SLC35F4: variants seen among roughly 807,000 people sequenced by gnomAD.
The protein encoded by SLC35F4 is solute carrier family 35 member F4.
In SLC35F4, 24 loss-of-function variants were observed where a neutral mutation model predicts 44.2. That is an observed-to-expected ratio of 0.54 (90% CI 0.39 to 0.76). The LOEUF (loss-of-function observed/expected upper bound fraction) is 0.76. Among genes scored for constraint, SLC35F4 ranks in the 30% least tolerant of loss-of-function variants. The pLI, the probability that SLC35F4 is intolerant of heterozygous loss-of-function variation, is 0.00. For synonymous variants in SLC35F4, 238 were observed against 223.6 expected, an observed-to-expected ratio of 1.06 and a Z score of -0.57; for missense variants, 562 against 586.1, an observed-to-expected ratio of 0.96 and a Z score of 0.42.
At chr14:57,863,123 T>G (rs984425726) in intron 1 of SLC35F4, among the ~76,000 whole-genome samples, 13 of 152,240 alleles carry the variant, frequency 8.5e-5, no homozygotes, top group African/African-American at 2.4e-5. Context: ...TGCCTTGGCC[T>G]CCCAAAGTGC....
At chr14:57,810,208 C>T (rs1215359632) in intron 1 of SLC35F4, among the ~76,000 whole-genome samples, 1 of 152,124 alleles carries the variant, frequency 6.6e-6, no homozygotes, top group Non-Finnish European at 1.5e-5. Context: ...ATTGTTAACA[C>T]CTGTACTAAA....
intron 1 of SLC35F4, among the ~76,000 whole-genome samples, chr14:57,979,123 A>G (rs1881299995): frequency 6.6e-6 from 1 of 152,230 alleles, no homozygotes; most frequent in African/African-American, 2.4e-5. Flanking sequence ...TCAATCCACC[A>G]GGCAAGCAAC....
In SLC35F4 at chr14:57,630,498, C is replaced by T. The variant is rs2140127048; in HGVS notation, c.104-36374G>A. ...AAGGCTGAATCACATTCTAGGTCTGCATCTCACACCAAAACTAGAGGCACC... is the reference window on the plus strand; with the variant it reads ...AAGGCTGAATCACATTCTAGGTCTGTATCTCACACCAAAACTAGAGGCACC... On this transcript the variant is annotated intron_variant, in intron 1 of 7. Transcript: ENST00000556826. 1.7e-5 allele frequency: 18 copies of T among 1,037,624 alleles called. No individual in the cohort carries two copies. In the South Asian group the frequency reaches 2.1e-4, roughly 12 times the overall value. The allele number at this position is 1,037,624 out of a possible 1,614,324, so 64.3% of individuals were successfully genotyped here.
intron 1 of SLC35F4, among the ~76,000 whole-genome samples, chr14:57,829,902 A>C (rs545139074): frequency 6.6e-6 from 1 of 152,230 alleles, no homozygotes; most frequent in Non-Finnish European, 1.5e-5. Flanking sequence ...GAAATCACTC[A>C]TGGTTTTTTA....
chr14:57,710,068 C>A (rs1466002889), intron 1 of SLC35F4, among the ~76,000 whole-genome samples: 2 of 152,166 alleles, frequency 1.3e-5, no homozygotes, highest in African/African-American at 4.8e-5. Context: ...TTAGAGCAGG[C>A]CCTCCCATCA....
chr14:57,982,867 C>A (rs141278625), upstream of SLC35F4, among the ~76,000 whole-genome samples: 196 of 152,240 alleles, frequency 1.3e-3, no homozygotes, highest in African/African-American at 4.5e-3. Flanking sequence ...TGGGCCTCAC[C>A]CGCATTGAGT....
intron 1 of SLC35F4, among the ~76,000 whole-genome samples, chr14:57,724,983 T>C (rs116626101): frequency 0.019 from 2,859 of 152,248 alleles, 92 homozygotes; most frequent in African/African-American, 0.065. Context: ...GAAGCATGAT[T>C]GGAAAATCAA....
chr14:57,726,641 T>C (rs906132358), intron 1 of SLC35F4, among the ~76,000 whole-genome samples: 3 of 152,324 alleles, frequency 2.0e-5, no homozygotes, highest in Admixed American at 6.5e-5. Context: ...TTATTTTAGG[T>C]GTGATTGTGA....
chr14:57,683,774 G>C (rs2074980921), intron 1 of SLC35F4, among the ~76,000 whole-genome samples: 1 of 152,130 alleles, frequency 6.6e-6, no homozygotes. Context: ...CCTGGTCATA[G>C]ACTAGACTAG....
At chr14:57,599,522 T>A (rs1049242919) in intron 1 of SLC35F4, among the ~76,000 whole-genome samples, 2 of 152,080 alleles carry the variant, frequency 1.3e-5, no homozygotes, top group Admixed American at 6.6e-5. Context: ...ACCACAGGCC[T>A]GAAGCGGCGA....
rs562017724 is a variant in SLC35F4, at chr14:57,612,764, C to T, written c.104-18640G>A. ...CTTATCATCTCCAACTACGCATGCT[C>T]AAGAAATATTTAAGTGACTAAATGA... On this transcript the variant is annotated intron_variant, in intron 1 of 7. Transcript: ENST00000556826. 6.6e-5 allele frequency among the ~76,000 whole-genome samples: 10 copies of T among 152,160 alleles called. No individual in the cohort carries two copies. In the South Asian group the frequency reaches 2.1e-3, roughly 32 times the overall value.
intron 1 of SLC35F4, among the ~76,000 whole-genome samples, chr14:57,802,459 C>T (rs540840469): frequency 2.0e-5 from 3 of 150,558 alleles, no homozygotes; most frequent in Admixed American, 6.6e-5. Flanking sequence ...CAAGAAATAA[C>T]CAAGATCAGA....
chr14:57,825,183 A>G (rs1336181773), intron 1 of SLC35F4, among the ~76,000 whole-genome samples: 1 of 152,160 alleles, frequency 6.6e-6, no homozygotes, highest in Non-Finnish European at 1.5e-5. Flanking sequence ...TGCCATTTAC[A>G]GACAAGGAGA....
chr14:57,946,656 A>C (rs775669507), intron 1 of SLC35F4, among the ~76,000 whole-genome samples: 1 of 150,712 alleles, frequency 6.6e-6, no homozygotes, highest in Non-Finnish European at 1.5e-5. Context: ...TTGTATTTTT[A>C]GTAGAGATAG....
chr14:57,962,915 A>C (rs1299183333), intron 1 of SLC35F4, among the ~76,000 whole-genome samples: 1 of 152,162 alleles, frequency 6.6e-6, no homozygotes, highest in Non-Finnish European at 1.5e-5. Flanking sequence ...TGTGTGCCGG[A>C]GGTTGGGGGA....
At chr14:57,816,245 T>G (rs981393665) in intron 1 of SLC35F4, among the ~76,000 whole-genome samples, 1 of 152,182 alleles carries the variant, frequency 6.6e-6, no homozygotes, top group African/African-American at 2.4e-5. Context: ...ATGTCTTTGT[T>G]TTTCTTCTCA....
chr14:57,771,876 A>G (rs927189781), intron 1 of SLC35F4, among the ~76,000 whole-genome samples: 3 of 152,122 alleles, frequency 2.0e-5, no homozygotes, highest in African/African-American at 4.8e-5. Context: ...TTGCAGGTAT[A>G]AGCCACTGTG....
chr14:57,924,767 C>T (rs1461612558), intron 1 of SLC35F4, among the ~76,000 whole-genome samples: 6 of 150,568 alleles, frequency 4.0e-5, no homozygotes, highest in African/African-American at 1.2e-4. Flanking sequence ...TTTCTTTCTT[C>T]CTTCCTTCCT....
At chr14:57,804,970 A>G (rs1245568737) in intron 1 of SLC35F4, among the ~76,000 whole-genome samples, 1 of 152,234 alleles carries the variant, frequency 6.6e-6, no homozygotes, top group Non-Finnish European at 1.5e-5. Flanking sequence ...GGACATGAAC[A>G]GACACTTCTC....
Sources: allele counts gnomAD v4.1 joint callset (sites outside exome capture counted in the v4.1 genomes callset), GRCh38; gene constraint gnomAD v4.1.1; transcripts MANE v1.5; gene names NCBI Gene and HGNC (gene_info 2026-07-23, HGNC 2026-07-21).